NCAM1: variants seen among roughly 807,000 people sequenced by gnomAD.
NCAM1 encodes the protein antigen recognized by monoclonal antibody 5.1H11.
In NCAM1, 14 loss-of-function variants were observed where a neutral mutation model predicts 109.8. The observed-to-expected ratio is 0.13, with a 90% CI of 0.08 to 0.20. NCAM1 has a LOEUF of 0.20. NCAM1 is among the 10% of genes least tolerant of loss of function. NCAM1 has a pLI of 1.00. For missense variants in NCAM1, 774 were observed against 1,109.9 expected, an observed-to-expected ratio of 0.70 and a Z score of 4.30; for synonymous variants, 418 against 442.9, an observed-to-expected ratio of 0.94 and a Z score of 0.70.
Position 113,053,079 on chromosome 11 carries a change from C to G in NCAM1, c.52+91415C>G, listed in dbSNP as rs189450231. On this transcript the variant is annotated intron_variant, in intron 1 of 19. Transcript: ENST00000316851. ...CAGAGGCTCTAACAGAAGGCTCCCCCCAACTTGTGCCTATGTCCTCTTTTC... is the reference window on the plus strand; with the variant it reads ...CAGAGGCTCTAACAGAAGGCTCCCCGCAACTTGTGCCTATGTCCTCTTTTC... 7.1e-4 allele frequency among the ~76,000 whole-genome samples: 108 copies of G among 152,276 alleles called. 1 individual carries two copies. The highest frequency in any genetic ancestry group is 3.4e-3 in the Middle Eastern group (1 of 294).
Position 113,209,878 on chromosome 11 carries a change from A to T in NCAM1, c.916+1876A>T, listed in dbSNP as rs573030891. Among the ~76,000 whole-genome samples the T allele has an allele frequency of 1.4e-3, 212 of 152,360 alleles. 1 individual carries two copies. Among genetic ancestry groups the T allele is most frequent in the African/African-American group, 4.8e-3 (201 of 41,586 alleles). ...TGATGTAAGTTAGAGAAGTCATTAA[A>T]ATGTACTATTTCATAAGTAGGAATT... On this transcript the variant is annotated intron_variant, in intron 7 of 19. Transcript: ENST00000316851.
intron 1 of NCAM1, among the ~76,000 whole-genome samples, chr11:113,198,308 C>A (rs1418154169): frequency 2.6e-5 from 4 of 152,094 alleles, no homozygotes; most frequent in African/African-American, 9.6e-5. Context: ...CTGTGATTAT[C>A]TATGAGCAAA....
rs782419646 is a variant in NCAM1, at chr11:113,204,428, C to T, written c.270C>T (p.Asp90=). 2.4e-5 allele frequency: 39 copies of T among 1,613,860 alleles called. No homozygotes were observed. Among genetic ancestry groups the T allele is most frequent in the Middle Eastern group, 1.6e-4 (1 of 6,084 alleles). Residue 90 remains aspartate (D), a synonymous_variant, in exon 3 of 20, where the codon GAC becomes GAT. Transcript: ENST00000316851. ...TLTIYNANID[D]AGIYKCVVTG... ...CCATCTATAACGCCAACATCGACGA[C>T]GCCGGCATTTACAAGTGTGTGGTTA...
chr11:113,191,857 T>C (rs1943688787), intron 1 of NCAM1, among the ~76,000 whole-genome samples: 1 of 152,178 alleles, frequency 6.6e-6, no homozygotes, highest in Non-Finnish European at 1.5e-5. Flanking sequence ...CACTGGTTGT[T>C]GGAGACATTG....
intron 1 of NCAM1, among the ~76,000 whole-genome samples, chr11:113,038,961 AC>A (rs1210973506): frequency 2.6e-5 from 4 of 152,184 alleles, no homozygotes; most frequent in African/African-American, 9.7e-5. Flanking sequence ...AAATGAATAG[AC>A]ATCGCCAGGG....
chr11:113,195,935 G>A (rs1205544163), intron 1 of NCAM1, among the ~76,000 whole-genome samples: 1 of 150,570 alleles, frequency 6.6e-6, no homozygotes, highest in Non-Finnish European at 1.5e-5. Context: ...GTGTGTGTGT[G>A]TGTAAGTTCA....
intron 1 of NCAM1, among the ~76,000 whole-genome samples, chr11:113,169,707 A>C (rs1942929298): frequency 6.7e-6 from 1 of 149,184 alleles, no homozygotes; most frequent in African/African-American, 2.5e-5. Flanking sequence ...GGCTCACTGC[A>C]ACCTCGGCCT....
At position 113,277,849 on chromosome 11, in the gene NCAM1, T is replaced by TTAAAAAA. The variant is rs1555126924; in HGVS notation, c.*2462_*2463insTAAAAAA. ...TCTCAGCATGCAAGAGTTTTTCCTT[T>TTAAAAAA]AAAAAAAAAAAAAAAAAAAAAAAAA... On this transcript the variant is annotated 3_prime_UTR_variant, in exon 20 of 20. Transcript: ENST00000316851. The TTAAAAAA allele has an allele frequency of 4.6e-4, 29 of 63,262 alleles. 2 individuals carry two copies. In the South Asian group the frequency reaches 7.3e-3, roughly 16 times the overall value. 3.9% of individuals were successfully genotyped at this position (63,262 alleles called of 1,614,324 possible). A position where few individuals can be genotyped will look rare whatever the true frequency, so the allele number is the denominator to read the frequency against.
At chr11:113,052,839 C>G (rs2135416624) in intron 1 of NCAM1, among the ~76,000 whole-genome samples, 1 of 152,252 alleles carries the variant, frequency 6.6e-6, no homozygotes, top group Admixed American at 6.5e-5. Flanking sequence ...TCCTGATGCT[C>G]TCCCTCCCCT....
intron 1 of NCAM1, among the ~76,000 whole-genome samples, chr11:113,094,862 C>T (rs377122777): frequency 1.2e-4 from 18 of 152,132 alleles, no homozygotes; most frequent in African/African-American, 2.2e-4. Context: ...TTGACAAGAA[C>T]GAAAAATGTC....
At chr11:113,105,897 G>T (rs566745072) in intron 1 of NCAM1, among the ~76,000 whole-genome samples, 1 of 152,312 alleles carries the variant, frequency 6.6e-6, no homozygotes, top group African/African-American at 2.4e-5. Flanking sequence ...TCATTTGAGA[G>T]ATGTGTATTC....
In NCAM1 at chr11:113,270,199, C is replaced by T; in HGVS notation, c.2143C>T (p.Pro715Ser). 1 of 1,613,980 alleles carries T rather than the reference C, an allele frequency of 6.2e-7. No homozygotes were observed. The highest frequency in any genetic ancestry group is 8.5e-7 in the Non-Finnish European group (1 of 1,179,892). Residue 715 changes from proline to serine, a missense_variant, in exon 18 of 20, where the codon CCC (proline) becomes TCC (serine). Pro to Ser is a moderately conservative substitution (Grantham distance 74, BLOSUM62 -1). Coordinates refer to ENST00000316851, the MANE Select transcript of NCAM1 (RefSeq NM_181351.5). ...QPTAIPANGS[P>S]TSGLSTGAIV... Reference sequence around the variant, plus strand: ...CTCTCCCACTCAAGCCAACGGCAGCCCCACCTCAGGCCTGAGCACCGGGGC... The same window carrying T: ...CTCTCCCACTCAAGCCAACGGCAGCTCCACCTCAGGCCTGAGCACCGGGGC...
At chr11:113,096,123 C>T (rs1414394088) in intron 1 of NCAM1, among the ~76,000 whole-genome samples, 1 of 152,098 alleles carries the variant, frequency 6.6e-6, no homozygotes, top group Non-Finnish European at 1.5e-5. Flanking sequence ...ACTGGGGTCA[C>T]AGAGCAAAGG....
chr11:112,995,698 A>G (rs563265684), intron 1 of NCAM1, among the ~76,000 whole-genome samples: 204 of 152,314 alleles, frequency 1.3e-3, no homozygotes, highest in African/African-American at 4.5e-3. Flanking sequence ...GCAAAGATAG[A>G]GCAACTCTGC....
intron 1 of NCAM1, among the ~76,000 whole-genome samples, chr11:113,190,188 A>G (rs1443312854): frequency 4.6e-5 from 7 of 152,228 alleles, no homozygotes; most frequent in African/African-American, 1.7e-4. Context: ...GTTCTTAGAC[A>G]CATAAATCAC....
rs1565546172 is a variant in NCAM1 at position 113,277,205 on chromosome 11, C to T, written c.*1818C>T. 7.5e-6 allele frequency: 3 copies of T among 397,584 alleles called. No individual in the cohort carries two copies. Among genetic ancestry groups the T allele is most frequent in the Non-Finnish European group, 1.3e-5 (3 of 225,674 alleles). 24.6% of individuals were successfully genotyped at this position (397,584 alleles called of 1,614,324 possible). On this transcript the variant is annotated 3_prime_UTR_variant, in exon 20 of 20. Transcript: ENST00000316851. ...AGAGGTTAGGGTGGCAAGGCTGCCT[C>T]TGGGTCCATTCTGTGGGCCACTCTC...
chr11:113,008,295 G>C (rs112097975), intron 1 of NCAM1, among the ~76,000 whole-genome samples: 18 of 152,248 alleles, frequency 1.2e-4, no homozygotes, highest in South Asian at 1.0e-3. Context: ...TCACAGATAG[G>C]GGGGCAGGGG....
intron 1 of NCAM1, among the ~76,000 whole-genome samples, chr11:113,168,395 G>A (rs933026811): frequency 2.6e-5 from 4 of 152,152 alleles, no homozygotes; most frequent in African/African-American, 7.2e-5. Flanking sequence ...CTAGATGGTC[G>A]ATGTCTGGTC....
At chr11:113,028,146 T>C (rs944946601) in intron 1 of NCAM1, among the ~76,000 whole-genome samples, 3 of 152,172 alleles carry the variant, frequency 2.0e-5, no homozygotes, top group Non-Finnish European at 2.9e-5. Context: ...CTGATATCAA[T>C]GTATTGTATA....
Sources: allele counts gnomAD v4.1 joint callset (sites outside exome capture counted in the v4.1 genomes callset), GRCh38; gene constraint gnomAD v4.1.1; transcripts MANE v1.5; gene names NCBI Gene and HGNC (gene_info 2026-07-23, HGNC 2026-07-21).